The following HSD17B12 variants were observed in gnomAD, a reference collection of about 807,000 sequenced individuals.
The protein encoded by HSD17B12 is hydroxysteroid 17-beta dehydrogenase 12.
HSD17B12 carries 32 observed loss-of-function variants against 39.3 expected under a neutral mutation model. The observed-to-expected ratio is 0.81, with a 90% confidence interval of 0.61 to 1.09. The LOEUF is 1.09. HSD17B12 is among the 50% of genes least tolerant of loss of function. The probability of loss-of-function intolerance (pLI) is 0.00; values close to 1 mark genes in which losing one functional copy is unlikely to be tolerated. For missense variants in HSD17B12, 342 were observed against 382.9 expected, an observed-to-expected ratio of 0.89 and a Z score of 0.89; for synonymous variants, 150 against 146.7, an observed-to-expected ratio of 1.02 and a Z score of -0.16.
At chr11:43,798,514 T>C in intron 4 of HSD17B12, 87 bp downstream of exon 4, 1 of 774,366 alleles carries the variant, frequency 1.3e-6, no homozygotes, top group Non-Finnish European at 2.1e-6. Flanking sequence ...AAATGACTAG[T>C]GAGAAAATTG....
the HSD17B12 span, among the ~76,000 whole-genome samples, chr11:43,662,730 C>T: frequency 1.3e-5 from 2 of 152,064 alleles, no homozygotes; most frequent in Non-Finnish European, 1.5e-5. Context: ...CTATAGCCTG[C>T]AGGTAGAATT....
the HSD17B12 span, among the ~76,000 whole-genome samples, chr11:43,654,533 A>G: frequency 1.3e-5 from 2 of 151,880 alleles, no homozygotes; most frequent in African/African-American, 2.4e-5. Context: ...TTTTAGGTCT[A>G]ACATGTAAGT....
In HSD17B12 at chr11:43,680,804, G is replaced by A. The variant is rs778509386; in HGVS notation, c.-24G>A. 1.8e-5 allele frequency: 28 copies of A among 1,599,186 alleles called. No homozygotes were observed. The Admixed American group carries it at 3.0e-4, about 17-fold the overall frequency. On this transcript the variant is annotated 5_prime_UTR_variant, in exon 1 of 11. Transcript: ENST00000278353. ...TTCACTCGCTCTTTTCATTCACGAA[G>A]GTAGTGAGGCCTAGTGGAAAGCCAT...
chr11:43,803,800 C>T (rs1950993071), intron 4 of HSD17B12, among the ~76,000 whole-genome samples: 1 of 152,120 alleles, frequency 6.6e-6, no homozygotes, highest in African/African-American at 2.4e-5. Flanking sequence ...AACTAAGCAT[C>T]TACTGTCTTC....
chr11:43,557,417 G>C, the HSD17B12 span, among the ~76,000 whole-genome samples: 2 of 152,236 alleles, frequency 1.3e-5, no homozygotes, highest in African/African-American at 4.8e-5. Flanking sequence ...GAGTCAGAGA[G>C]AGAAAGAATC....
chr11:43,720,909 A>G (rs2134864066), intron 1 of HSD17B12, among the ~76,000 whole-genome samples: 3 of 152,212 alleles, frequency 2.0e-5, no homozygotes, highest in Admixed American at 2.0e-4. Context: ...AAGGTTATAT[A>G]TCAGGTCTCT....
chr11:43,758,691 C>T lies in HSD17B12; in HGVS notation c.283+4570C>T, dbSNP rs534929905. Among the ~76,000 whole-genome samples, 5 of 152,238 alleles carry T rather than the reference C, an allele frequency of 3.3e-5. No individual in the cohort carries two copies. In the South Asian group the frequency reaches 8.3e-4, roughly 25 times the overall value. On this transcript the variant is annotated intron_variant, in intron 3 of 10. Coordinates refer to ENST00000278353, the MANE Select transcript of HSD17B12 (RefSeq NM_016142.3). ...ACTTGCCGTTTTTATTCTATAAGTG[C>T]TCCAGTATATTCAGAAGAAGCCACA...
chr11:43,743,421 C>A (rs1238145349), intron 1 of HSD17B12, among the ~76,000 whole-genome samples: 4 of 152,152 alleles, frequency 2.6e-5, no homozygotes, highest in African/African-American at 9.7e-5. Flanking sequence ...ACACCTGAGT[C>A]CTCATAGTGG....
At chr11:43,566,714 G>C in the HSD17B12 span, among the ~76,000 whole-genome samples, 2 of 152,134 alleles carry the variant, frequency 1.3e-5, no homozygotes, top group Admixed American at 6.5e-5. Flanking sequence ...ATTTTTATTA[G>C]AGACGGGGTT....
chr11:43,849,133 G>A (rs1037780880), intron 9 of HSD17B12, among the ~76,000 whole-genome samples: 1 of 152,050 alleles, frequency 6.6e-6, no homozygotes, highest in Admixed American at 6.6e-5. Context: ...GTGAAACCCT[G>A]TCTCTACAAA....
the HSD17B12 span, among the ~76,000 whole-genome samples, chr11:43,567,892 C>T: frequency 6.6e-6 from 1 of 152,144 alleles, no homozygotes; most frequent in Admixed American, 6.5e-5. Flanking sequence ...TCACCATAGA[C>T]TAATAGACCC....
At chr11:43,621,094 C>T in the HSD17B12 span, among the ~76,000 whole-genome samples, 2 of 152,130 alleles carry the variant, frequency 1.3e-5, no homozygotes, top group African/African-American at 4.8e-5. Context: ...CAACAAGAAC[C>T]CCTTAGTCAT....
chr11:43,802,563 T>G (rs570776990), intron 4 of HSD17B12, among the ~76,000 whole-genome samples: 1 of 152,174 alleles, frequency 6.6e-6, no homozygotes, highest in Non-Finnish European at 1.5e-5. Flanking sequence ...TCAGTTTGTA[T>G]GAGGGAATTA....
chr11:43,751,819 T>C (rs1950467230), intron 2 of HSD17B12, among the ~76,000 whole-genome samples: 1 of 152,214 alleles, frequency 6.6e-6, no homozygotes, highest in South Asian at 2.1e-4. Context: ...GACATAACAG[T>C]TCACCCCTAA....
At chr11:43,784,958 GTTAAA>G (rs1950802144) in intron 3 of HSD17B12, among the ~76,000 whole-genome samples, 1 of 152,090 alleles carries the variant, frequency 6.6e-6, no homozygotes, top group African/African-American at 2.4e-5. Context: ...GAAAGAGTCA[GTTAAA>G]TTAAAGTTAT....
the HSD17B12 span, among the ~76,000 whole-genome samples, chr11:43,672,342 C>T: frequency 6.6e-6 from 1 of 152,132 alleles, no homozygotes; most frequent in Non-Finnish European, 1.5e-5. Context: ...AGCCACCGCT[C>T]CCGGCCTAGC....
the HSD17B12 span, among the ~76,000 whole-genome samples, chr11:43,591,419 A>G: frequency 2.6e-5 from 4 of 152,206 alleles, no homozygotes; most frequent in African/African-American, 9.6e-5. Context: ...AGTTTTACAC[A>G]AGAAATCTCT....
the HSD17B12 span, among the ~76,000 whole-genome samples, chr11:43,652,016 T>C: frequency 1.3e-5 from 2 of 152,206 alleles, no homozygotes; most frequent in African/African-American, 2.4e-5. Flanking sequence ...AAAGATACCA[T>C]GTTCGTGGAT....
intron 1 of HSD17B12, among the ~76,000 whole-genome samples, chr11:43,684,173 G>A (rs1949776125): frequency 6.6e-6 from 1 of 152,188 alleles, no homozygotes; most frequent in Admixed American, 6.5e-5. Context: ...TGAATCCCCT[G>A]TGTTCCCTAT....
Sources: allele counts gnomAD v4.1 joint callset (sites outside exome capture counted in the v4.1 genomes callset), GRCh38; gene constraint gnomAD v4.1.1; transcripts MANE v1.5; gene names NCBI Gene and HGNC (gene_info 2026-07-23, HGNC 2026-07-21).